GINS1: variants seen among roughly 807,000 people sequenced by gnomAD.
GINS1 encodes the protein GINS complex subunit 1, also known as DNA replication complex GINS protein PSF1.
A neutral mutation model predicts 34.9 loss-of-function variants in GINS1; 26 were observed. That is an observed-to-expected ratio of 0.74 (90% CI 0.55 to 1.03). The LOEUF (loss-of-function observed/expected upper bound fraction) is 1.03, where lower values mean the gene tolerates loss of function less well. Ranked by LOEUF, GINS1 falls within the 50% of genes least tolerant of loss-of-function variation. The pLI, the probability that GINS1 is intolerant of heterozygous loss-of-function variation, is 0.00. For missense variants in GINS1, 235 were observed against 237.9 expected (o/e 0.99, Z 0.08); for synonymous variants, 97 against 84.4 (o/e 1.15, Z -0.82).
rs2090521321 is a variant in GINS1, at chr20:25,447,876, A to G, written c.*1885A>G. 2 of 152,200 alleles carry G rather than the reference A, an allele frequency of 1.3e-5. No individual in the cohort carries two copies. Among genetic ancestry groups the G allele is most frequent in the Non-Finnish European group, 2.9e-5 (2 of 68,052 alleles). 9.4% of individuals were successfully genotyped at this position (152,200 alleles called of 1,614,324 possible). A position where few individuals can be genotyped will look rare whatever the true frequency, so the allele number is the denominator to read the frequency against. Reference sequence around the variant, plus strand: ...CAGGGTGTGGTGGCTTATGCCTGTAATCCTAGAACTTTGGGAGGCCTAGAT... The same window carrying G: ...CAGGGTGTGGTGGCTTATGCCTGTAGTCCTAGAACTTTGGGAGGCCTAGAT... On this transcript the variant is annotated 3_prime_UTR_variant, in exon 7 of 7. Coordinates refer to ENST00000262460, the MANE Select transcript of GINS1 (RefSeq NM_021067.5).
chr20:25,408,270 T>C (rs1280765113), intron 1 of GINS1, among the ~76,000 whole-genome samples: 1 of 152,152 alleles, frequency 6.6e-6, no homozygotes, highest in African/African-American at 2.4e-5. Flanking sequence ...TAGTGTGACT[T>C]TGGGGCAGTT....
chr20:25,421,062 G>C (rs766528658), intron 4 of GINS1: 83 of 578,276 alleles, frequency 1.4e-4, no homozygotes, highest in Non-Finnish European at 1.8e-4. Flanking sequence ...CAAGGATAGT[G>C]CTTCAATGGG....
At position 25,441,775 on chromosome 20, in the gene GINS1, A is replaced by C. The variant is rs745858629; in HGVS notation, c.521A>C (p.Gln174Pro). 7 of 1,461,252 alleles carry C rather than the reference A, an allele frequency of 4.8e-6. No individual in the cohort carries two copies. The South Asian group carries it at 7.1e-5, about 15-fold the overall frequency. 90.5% of individuals were successfully genotyped at this position (1,461,252 alleles called of 1,614,324 possible). The stretch of plus-strand genomic sequence containing the variant: ...TCAGTCCTATTAAAAAAAAATAGCC[A>C]GGTATTTCTTATCTTCAGATTCTTT... ...GTSVLLKKNS[Q>P]HFLPRWKCEQ... is the part of the protein sequence containing the mutation. The change falls in exon 6 of 7, where the codon CAG becomes CCG. Residue 174 changes from glutamine (Q) to proline (P), a missense_variant and splice_region_variant. Gln to Pro is a moderately conservative substitution (Grantham distance 76). Coordinates refer to ENST00000262460, the MANE Select transcript of GINS1 (RefSeq NM_021067.5).
At chr20:25,412,816 TAAA>T (rs1265622444) in intron 1 of GINS1, among the ~76,000 whole-genome samples, 1 of 152,076 alleles carries the variant, frequency 6.6e-6, no homozygotes, top group Non-Finnish European at 1.5e-5. Context: ...CCCACAAAAA[TAAA>T]AAAATTAAAA....
intron 5 of GINS1, among the ~76,000 whole-genome samples, chr20:25,431,548 CT>C (rs999565308): frequency 1.3e-5 from 2 of 148,766 alleles, no homozygotes; most frequent in African/African-American, 4.9e-5. Context: ...TTTTCTTTTT[CT>C]TTTTCTTTTT....
At chr20:25,428,585 T>A (rs1226004907) in intron 5 of GINS1, among the ~76,000 whole-genome samples, 1 of 151,572 alleles carries the variant, frequency 6.6e-6, no homozygotes, top group East Asian at 2.0e-4. Flanking sequence ...TTGTATTTTT[T>A]AGTAGAGACG....
intron 1 of GINS1, among the ~76,000 whole-genome samples, chr20:25,413,056 A>ATTTTTT (rs753937496): frequency 4.4e-5 from 6 of 135,952 alleles, no homozygotes; most frequent in Non-Finnish European, 8.1e-5. Context: ...TCAGTAGTTC[A>ATTTTTT]TTTTTTTTTT....
At chr20:25,442,065 T>C (rs1014767660) in intron 6 of GINS1, among the ~76,000 whole-genome samples, 13 of 152,202 alleles carry the variant, frequency 8.5e-5, no homozygotes, top group Non-Finnish European at 1.8e-4. Context: ...GATAGATTAT[T>C]ATCTGGAGGC....
chr20:25,407,874 A>G lies in GINS1; in HGVS notation c.54A>G (p.Glu18=). 1 of 1,613,694 alleles carries G rather than the reference A, an allele frequency of 6.2e-7. No individual in the cohort carries two copies. Among genetic ancestry groups the G allele is most frequent in the South Asian group, 1.1e-5 (1 of 91,070 alleles). The change falls in exon 1 of 7, where the codon GAA becomes GAG. Residue 18 remains glutamate, a synonymous_variant. Transcript: ENST00000262460. The part of the protein sequence containing the change: ...ELIRELHRAP[E]GQLPAFNEDG... ...TCCGCGAGCTGCATCGCGCGCCCGAAGGGCAACTGCCTGCCTTCAACGTGA... is the reference window on the plus strand; with the variant it reads ...TCCGCGAGCTGCATCGCGCGCCCGAGGGGCAACTGCCTGCCTTCAACGTGA...
At chr20:25,433,356 C>A (rs1386273993) in intron 5 of GINS1, among the ~76,000 whole-genome samples, 3 of 151,894 alleles carry the variant, frequency 2.0e-5, no homozygotes, top group African/African-American at 7.3e-5. Context: ...TTCCTCATTA[C>A]CCCCCACAGA....
intron 2 of GINS1, among the ~76,000 whole-genome samples, chr20:25,414,260 AAAAATTATCTGT>A (rs2090306625): frequency 6.6e-6 from 1 of 150,584 alleles, no homozygotes; most frequent in African/African-American, 2.4e-5. Flanking sequence ...TGCGATTTTT[AAAAATTATCTGT>A]AAAATTATCT....
rs1025209458 is a variant in GINS1 at position 25,440,777 on chromosome 20, C to T, written c.448-925C>T. Among the ~76,000 whole-genome samples the T allele has an allele frequency of 2.1e-5, 3 of 141,868 alleles. No individual in the cohort carries two copies. In the East Asian group the frequency reaches 6.2e-4, roughly 29 times the overall value. The allele number at this position is 141,868 out of a possible 152,430, so 93.1% of individuals were successfully genotyped here. On this transcript the variant is annotated intron_variant, in intron 5 of 6. Transcript: ENST00000262460. ...AGTGCGTGGAGATCACACCACTGCA[C>T]TCTGGCCTGGGCAACAGAGCAAGAC...
At chr20:25,440,926 G>A (rs1218805964) in intron 5 of GINS1, among the ~76,000 whole-genome samples, 6 of 152,210 alleles carry the variant, frequency 3.9e-5, no homozygotes, top group Admixed American at 3.9e-4. Flanking sequence ...TCTTGGTAAG[G>A]TTCCGGAGGG....
intron 5 of GINS1, among the ~76,000 whole-genome samples, chr20:25,434,960 A>G (rs1467924897): frequency 6.6e-6 from 1 of 152,216 alleles, no homozygotes; most frequent in Non-Finnish European, 1.5e-5. Context: ...GCATAAATCC[A>G]TTTATGAAGG....
At chr20:25,407,987 C>G in intron 1 of GINS1, 92 bp downstream of exon 1, 1 of 892,396 alleles carries the variant, frequency 1.1e-6, no homozygotes. Flanking sequence ...ACTTTCGCAC[C>G]TTGTTCCCTC....
At position 25,446,825 on chromosome 20, in the gene GINS1, C is replaced by G. The variant is rs1054501573; in HGVS notation, c.*834C>G. 6.6e-6 allele frequency: 1 copy of G among 152,128 alleles called. No individual in the cohort carries two copies. The highest frequency in any genetic ancestry group is 1.5e-5 in the Non-Finnish European group (1 of 68,024). 9.4% of individuals were successfully genotyped at this position (152,128 alleles called of 1,614,324 possible). On this transcript the variant is annotated 3_prime_UTR_variant, in exon 7 of 7. Transcript: ENST00000262460. ...AAAAGTCACATGAAGAGTTGATTGT[C>G]TTTTAATGGTATGTTTTAAACAGCT... is the stretch of plus-strand genomic sequence containing the variant.
Position 25,445,947 on chromosome 20 carries a change from G to C in GINS1, c.547G>C (p.Glu183Gln). 1 of 1,611,218 alleles carries C rather than the reference G, an allele frequency of 6.2e-7. No homozygotes were observed. Among genetic ancestry groups the C allele is most frequent in the Non-Finnish European group, 8.5e-7 (1 of 1,177,624 alleles). The part of the protein sequence containing the change: ...SQHFLPRWKC[E>Q]QLIRQGVLEH... ...GCACTTTTTACCTCGATGGAAATGT[G>C]AGCAGCTGATCAGACAAGGAGTCCT... The change falls in exon 7 of 7, where the codon GAG becomes CAG. Residue 183 changes from glutamate (E) to glutamine (Q), a missense_variant. Glu to Gln is a conservative substitution (Grantham distance 29, BLOSUM62 2). Coordinates refer to ENST00000262460, the MANE Select transcript of GINS1 (RefSeq NM_021067.5).
At position 25,423,452 on chromosome 20, in the gene GINS1, C is replaced by CTTTTTTTTTT. The variant is rs1159340467; in HGVS notation, c.331-1734_331-1725dup. 1.9e-3 allele frequency among the ~76,000 whole-genome samples: 56 copies of CTTTTTTTTTT among 29,996 alleles called. 8 individuals carry two copies. The highest frequency in any genetic ancestry group is 2.3e-3 in the East Asian group (1 of 426). 19.7% of individuals were successfully genotyped at this position (29,996 alleles called of 152,430 possible). A position where few individuals can be genotyped will look rare whatever the true frequency, so the allele number is the denominator to read the frequency against. On this transcript the variant is annotated intron_variant, in intron 4 of 6. Coordinates refer to ENST00000262460, the MANE Select transcript of GINS1 (RefSeq NM_021067.5). ...AAGGTTATTAAGATATTTTTCTTTT[C>CTTTTTTTTTT]TTTTTTTTTTTTTTTTTTTTTTTTT...
chr20:25,429,830 T>C (rs1372074351), intron 5 of GINS1, among the ~76,000 whole-genome samples: 1 of 152,260 alleles, frequency 6.6e-6, no homozygotes, highest in African/African-American at 2.4e-5. Flanking sequence ...TTACTCTGAC[T>C]GTAACTCCAG....
Sources: gnomAD v4.1 joint callset for allele counts (sites outside exome capture counted in the v4.1 genomes callset) on GRCh38, gnomAD v4.1.1 for gene constraint, MANE v1.5 for transcripts, NCBI Gene and HGNC (gene_info 2026-07-23, HGNC 2026-07-21) for gene names.